CHL1: variants seen among roughly 807,000 people sequenced by gnomAD.
CHL1 encodes the protein cell adhesion molecule L1 like.
A neutral mutation model predicts 141.9 loss-of-function variants in CHL1; 96 were observed. The ratio of observed to expected loss-of-function variants is 0.68; its 90% CI spans 0.57 to 0.80. The LOEUF (loss-of-function observed/expected upper bound fraction) is 0.80, where lower values mean the gene tolerates loss of function less well. Among genes scored for constraint, CHL1 ranks in the 30% least tolerant of loss-of-function variants. The pLI is 0.00. For missense variants in CHL1, 1,820 were observed against 1,457.2 expected, an observed-to-expected ratio of 1.25 and a Z score of -4.05; for synonymous variants, 613 against 502.2, an observed-to-expected ratio of 1.22 and a Z score of -2.95.
intron 2 of CHL1, among the ~76,000 whole-genome samples, chr3:252,747 T>G (rs1030700506): frequency 3.9e-5 from 6 of 152,086 alleles, no homozygotes; most frequent in African/African-American, 1.4e-4. Flanking sequence ...GGTCTGATTG[T>G]CCTCAATGAT....
chr3:252,842 T>C (rs1016225219), intron 2 of CHL1, among the ~76,000 whole-genome samples: 6 of 152,180 alleles, frequency 3.9e-5, no homozygotes, highest in African/African-American at 1.4e-4. Context: ...TATGTATAGA[T>C]ACGCTTTTCA....
At position 373,273 on chromosome 3, in the gene CHL1, T is replaced by C. The variant is rs1239031574; in HGVS notation, c.1752-4545T>C. ...CCCTAGGGGCTCAGGCCCAGGGAGA[T>C]CTGGATTCTGTCCCTGAGCCTCTGG... On this transcript the variant is annotated intron_variant, in intron 15 of 27. Transcript: ENST00000256509. Among the ~76,000 whole-genome samples, 4 of 152,174 alleles carry C rather than the reference T, an allele frequency of 2.6e-5. No individual in the cohort carries two copies. In the East Asian group the frequency reaches 7.7e-4, roughly 29 times the overall value.
intron 2 of CHL1, among the ~76,000 whole-genome samples, chr3:309,717 G>T (rs1215275696): frequency 6.6e-6 from 1 of 152,062 alleles, no homozygotes; most frequent in East Asian, 1.9e-4. Flanking sequence ...GCCTCACTAT[G>T]TTGCCCAAAC....
intron 2 of CHL1, among the ~76,000 whole-genome samples, chr3:310,556 TTGCAGTTTTTCTTTCCAGG>T (rs1699671624): frequency 6.6e-6 from 1 of 152,226 alleles, no homozygotes; most frequent in Non-Finnish European, 1.5e-5. Flanking sequence ...CTCTCACATA[TTGCAGTTTTTCTTTCCAGG>T]AAGATTTCAT....
chr3:304,612 C>G (rs1191822988), intron 2 of CHL1, among the ~76,000 whole-genome samples: 1 of 152,016 alleles, frequency 6.6e-6, no homozygotes, highest in Non-Finnish European at 1.5e-5. Context: ...TTTACTGCAT[C>G]TATTTGATTC....
At chr3:350,425 A>C (rs1345681613) in intron 10 of CHL1, among the ~76,000 whole-genome samples, 2 of 152,162 alleles carry the variant, frequency 1.3e-5, no homozygotes, top group East Asian at 1.9e-4. Context: ...TAATGGAATG[A>C]TGACTGCATT....
chr3:242,790 A>T (rs1303778809), intron 1 of CHL1, among the ~76,000 whole-genome samples: 1 of 152,106 alleles, frequency 6.6e-6, no homozygotes, highest in African/African-American at 2.4e-5. Context: ...AGCAGATGAG[A>T]GCTCTGTGGG....
At chr3:354,433 G>GCA (rs3836376) in intron 10 of CHL1, among the ~76,000 whole-genome samples, 1,987 of 149,478 alleles carry the variant, frequency 0.013, 49 homozygotes, top group African/African-American at 0.046. Flanking sequence ...TTAAACACAA[G>GCA]CACACACACA....
intron 1 of CHL1, chr3:197,308 G>A (rs1698414893): frequency 6.5e-6 from 1 of 153,050 alleles, no homozygotes; most frequent in Non-Finnish European, 1.5e-5. Context: ...CTCGGGGTCA[G>A]TCGACGGAGC....
intron 1 of CHL1, among the ~76,000 whole-genome samples, chr3:228,979 C>G (rs1701626270): frequency 6.6e-6 from 1 of 152,074 alleles, no homozygotes; most frequent in Admixed American, 6.6e-5. Flanking sequence ...CATTAAGGTT[C>G]TCTTTCTTTA....
intron 16 of CHL1, among the ~76,000 whole-genome samples, chr3:379,455 T>C (rs895897205): frequency 6.6e-6 from 1 of 152,092 alleles, no homozygotes; most frequent in Non-Finnish European, 1.5e-5. Flanking sequence ...CAACAATAAT[T>C]CATCAGATAA....
At chr3:219,184 G>A (rs1010680720) in intron 1 of CHL1, among the ~76,000 whole-genome samples, 6 of 151,952 alleles carry the variant, frequency 3.9e-5, no homozygotes, top group African/African-American at 1.5e-4. Flanking sequence ...ATGCAGGTGA[G>A]GTTGTGTGGA....
At chr3:359,398 G>A (rs1260755096) in intron 11 of CHL1, among the ~76,000 whole-genome samples, 3 of 151,930 alleles carry the variant, frequency 2.0e-5, no homozygotes, top group East Asian at 3.9e-4. Context: ...CCACCTCCTG[G>A]GTTCAAGTGA....
At chr3:261,829 T>C (rs968094682) in intron 2 of CHL1, among the ~76,000 whole-genome samples, 2 of 152,150 alleles carry the variant, frequency 1.3e-5, no homozygotes, top group Non-Finnish European at 2.9e-5. Context: ...CAATCTTCAA[T>C]GTTTTACTGG....
At chr3:230,326 G>T (rs1318955398) in intron 1 of CHL1, among the ~76,000 whole-genome samples, 1 of 152,088 alleles carries the variant, frequency 6.6e-6, no homozygotes, top group Admixed American at 6.6e-5. Context: ...GAAAGCAAAG[G>T]CTTAACACTG....
At chr3:253,233 C>G (rs183263124) in intron 2 of CHL1, among the ~76,000 whole-genome samples, 3 of 152,180 alleles carry the variant, frequency 2.0e-5, no homozygotes, top group Non-Finnish European at 4.4e-5. Context: ...ATTGCCCTAG[C>G]CATGGCTGTG....
chr3:302,859 G>A (rs532490671), intron 2 of CHL1, among the ~76,000 whole-genome samples: 10 of 152,160 alleles, frequency 6.6e-5, no homozygotes, highest in Non-Finnish European at 1.0e-4. Context: ...TTTTCTTCTA[G>A]AGTTTTTATG....
chr3:293,936 A>AT (rs1255427716), intron 2 of CHL1, among the ~76,000 whole-genome samples: 2 of 151,512 alleles, frequency 1.3e-5, no homozygotes, highest in Non-Finnish European at 2.9e-5. Flanking sequence ...TAATTTTTGA[A>AT]TTTTTTTGTA....
In CHL1 at chr3:407,048, T is replaced by C. The variant is rs963409473; in HGVS notation, c.*1337T>C. ...TCAAAGTCAGAACAAATTCAGGGAA[T>C]TTATTTTCTGGCAGTTGTGCTCCAG... On this transcript the variant is annotated 3_prime_UTR_variant, in exon 28 of 28. Coordinates refer to ENST00000256509, the MANE Select transcript of CHL1 (RefSeq NM_006614.4). 1 of 152,150 alleles carries C rather than the reference T, an allele frequency of 6.6e-6. No individual in the cohort carries two copies. The highest frequency in any genetic ancestry group is 2.1e-4 in the South Asian group (1 of 4,826). 9.4% of individuals were successfully genotyped at this position (152,150 alleles called of 1,614,324 possible).
Sources: allele counts gnomAD v4.1 joint callset (sites outside exome capture counted in the v4.1 genomes callset), GRCh38; gene constraint gnomAD v4.1.1; transcripts MANE v1.5; gene names NCBI Gene and HGNC (gene_info 2026-07-23, HGNC 2026-07-21).